Variants in ART3 observed in about 807,000 individuals in gnomAD.
ART3 encodes the protein ecto-ADP-ribosyltransferase 3.
In ART3, 49 loss-of-function variants were observed where a neutral mutation model predicts 48.5. The observed-to-expected ratio is 1.01, with a 90% CI of 0.80 to 1.28. The LOEUF is 1.28. Ranked by LOEUF, ART3 falls within the 50% of genes most tolerant of loss-of-function variation. The probability of loss-of-function intolerance (pLI) is 0.00; values close to 1 mark genes in which losing one functional copy is unlikely to be tolerated. For missense variants in ART3, 438 were observed against 454.3 expected (o/e 0.96, Z 0.33); for synonymous variants, 145 against 157.2 (o/e 0.92, Z 0.58).
chr4:76,023,602 T>A (rs1733093000), intron 1 of ART3: 1 of 546,438 alleles, frequency 1.8e-6, no homozygotes, highest in Admixed American at 2.9e-5. Context: ...ACCTGCTGGC[T>A]GTTCCTGGGG....
At chr4:76,035,884 A>G in intron 1 of ART3, 1 of 1,540,036 alleles carries the variant, frequency 6.5e-7, no homozygotes, top group Non-Finnish European at 8.9e-7. Flanking sequence ...TTGAAACATT[A>G]GAAAAGGAAC....
chr4:76,070,071 A>C (rs1303316967), upstream of ART3, among the ~76,000 whole-genome samples: 2 of 152,138 alleles, frequency 1.3e-5, no homozygotes, highest in African/African-American at 4.8e-5. Flanking sequence ...TTACCAGTTG[A>C]TGACATTTGG....
chr4:76,103,904 T>A, intron 8 of ART3, 33 bp from the exon 9 acceptor site: 1 of 1,603,284 alleles, frequency 6.2e-7, no homozygotes, highest in Non-Finnish European at 8.5e-7. Context: ...AGATAACTGA[T>A]TAATACAAAC....
intron 1 of ART3, among the ~76,000 whole-genome samples, chr4:76,017,193 A>T (rs1732345145): frequency 6.6e-6 from 1 of 151,420 alleles, no homozygotes; most frequent in Non-Finnish European, 1.5e-5. Flanking sequence ...TCTCACCTAA[A>T]GCCAGCATAT....
At chr4:76,052,941 C>CCA (rs1736275398) in intron 1 of ART3, among the ~76,000 whole-genome samples, 4 of 152,146 alleles carry the variant, frequency 2.6e-5, no homozygotes, top group South Asian at 2.1e-4. Context: ...GTTGGCAAGG[C>CCA]TGGTCTCAAA....
chr4:76,085,632 G>C (rs1379512789), intron 3 of ART3, among the ~76,000 whole-genome samples: 3 of 152,108 alleles, frequency 2.0e-5, no homozygotes, highest in Non-Finnish European at 4.4e-5. Context: ...TAAAAAGATA[G>C]GGGAAAAAAG....
chr4:76,111,703 C>T (rs527313093), intron 11 of ART3, among the ~76,000 whole-genome samples: 35 of 152,196 alleles, frequency 2.3e-4, no homozygotes, highest in African/African-American at 6.5e-4. Flanking sequence ...CCACCACGCC[C>T]GGCTAATTCT....
chr4:76,068,938 A>G (rs952151425), intron 1 of ART3, among the ~76,000 whole-genome samples: 1 of 152,224 alleles, frequency 6.6e-6, no homozygotes, highest in Non-Finnish European at 1.5e-5. Flanking sequence ...TAGCTACTCC[A>G]ACCACTGTGC....
rs1407162327 is a variant in ART3 at position 76,105,408 on chromosome 4, G to A, written c.1003+779G>A. 2.0e-5 allele frequency: 20 copies of A among 976,904 alleles called. 1 individual carries two copies. The South Asian group carries it at 2.7e-4, about 13-fold the overall frequency. The allele number at this position is 976,904 out of a possible 1,614,324, so 60.5% of individuals were successfully genotyped here. ...GTAAAATGAGGAAAGCTTCTGTCTTGCAGGACTGATGAGATAAAGTACCTA... is the reference window on the plus strand; with the variant it reads ...GTAAAATGAGGAAAGCTTCTGTCTTACAGGACTGATGAGATAAAGTACCTA... On this transcript the variant is annotated intron_variant, in intron 10 of 11. Transcript: ENST00000355810.
At chr4:76,016,796 CT>C (rs1732309639) in intron 1 of ART3, among the ~76,000 whole-genome samples, 1 of 152,212 alleles carries the variant, frequency 6.6e-6, no homozygotes, top group Non-Finnish European at 1.5e-5. Flanking sequence ...GAGACAAAGT[CT>C]TTCCCATTCC....
At chr4:76,078,080 C>T (rs1721529211) in intron 2 of ART3, among the ~76,000 whole-genome samples, 2 of 151,052 alleles carry the variant, frequency 1.3e-5, no homozygotes, top group Non-Finnish European at 3.0e-5. Context: ...TTAGTATGGG[C>T]TTTTTTTCTC....
At chr4:76,066,697 C>T (rs1719767187) in intron 1 of ART3, among the ~76,000 whole-genome samples, 1 of 152,126 alleles carries the variant, frequency 6.6e-6, no homozygotes, top group African/African-American at 2.4e-5. Flanking sequence ...GAAAAGGCAC[C>T]AGTGTCCACT....
In ART3 at chr4:76,093,009, T is replaced by C. The variant is rs139581822; in HGVS notation, c.782-4635T>C. On this transcript the variant is annotated intron_variant, in intron 3 of 11. Transcript: ENST00000355810. ...TGCTGAGCTGAAATTAAGGTGTTGGTAGGGCTGCATTCCTTCCCAGGAGCT... is the reference window on the plus strand; with the variant it reads ...TGCTGAGCTGAAATTAAGGTGTTGGCAGGGCTGCATTCCTTCCCAGGAGCT... Among the ~76,000 whole-genome samples, 63 of 152,346 alleles carry C rather than the reference T, an allele frequency of 4.1e-4. No individual in the cohort carries two copies. The East Asian group carries it at 0.012, about 29-fold the overall frequency.
intron 4 of ART3, among the ~76,000 whole-genome samples, chr4:76,098,620 G>A (rs1297523419): frequency 5.2e-4 from 79 of 152,222 alleles, no homozygotes; most frequent in African/African-American, 1.9e-3. Flanking sequence ...TTAGCCAGGT[G>A]TGGTGGCAGG....
At chr4:76,012,603 T>A (rs968027588) in intron 1 of ART3, among the ~76,000 whole-genome samples, 1 of 152,206 alleles carries the variant, frequency 6.6e-6, no homozygotes, top group African/African-American at 2.4e-5. Context: ...TCTGGCTTCT[T>A]GGTTTATATT....
chr4:76,022,707 G>A, intron 1 of ART3: 1 of 1,613,790 alleles, frequency 6.2e-7, no homozygotes, highest in Non-Finnish European at 8.5e-7. Context: ...TCAACACGTG[G>A]ACAAAATTGG....
intron 1 of ART3, chr4:76,023,571 C>A (rs897755462): frequency 7.2e-6 from 5 of 692,716 alleles, no homozygotes; most frequent in Admixed American, 2.3e-5. Flanking sequence ...TGGATAAGGG[C>A]ATTACAGTTG....
At chr4:76,110,252 G>C (rs893151195) in intron 11 of ART3, among the ~76,000 whole-genome samples, 2 of 152,104 alleles carry the variant, frequency 1.3e-5, no homozygotes, top group Non-Finnish European at 2.9e-5. Context: ...AACCCATACA[G>C]TACAACAACT....
intron 1 of ART3, chr4:76,023,515 T>C (rs1262726153): frequency 7.2e-6 from 9 of 1,242,062 alleles, no homozygotes; most frequent in Non-Finnish European, 1.1e-5. Flanking sequence ...GTGGGGCTAG[T>C]GTGCCATATT....
Sources: allele counts gnomAD v4.1 joint callset (sites outside exome capture counted in the v4.1 genomes callset), GRCh38; gene constraint gnomAD v4.1.1; transcripts MANE v1.5; gene names NCBI Gene and HGNC (gene_info 2026-07-23, HGNC 2026-07-21).